Variants in ANTXR1 observed in about 807,000 individuals in gnomAD.
ANTXR1 encodes ANTXR cell adhesion molecule 1, also known as anthrax toxin receptor 1.
A neutral mutation model predicts 78.1 loss-of-function variants in ANTXR1; 19 were observed. The ratio of observed to expected loss-of-function variants is 0.24; its 90% CI spans 0.17 to 0.36. ANTXR1 has a LOEUF of 0.36. ANTXR1 is among the 10% of genes least tolerant of loss of function. ANTXR1 has a pLI of 1.00. For synonymous variants in ANTXR1, 273 were observed against 260.5 expected (o/e 1.05, Z -0.46); for missense variants, 518 against 718.6 (o/e 0.72, Z 3.19).
At chr2:69,027,640 A>G (rs7594057) in intron 1 of ANTXR1, among the ~76,000 whole-genome samples, 21,703 of 99,962 alleles carry the variant, frequency 0.22, 3,581 homozygotes, top group African/African-American at 0.54. Flanking sequence ...GTGTGTGTGT[A>G]TGTGTGTGTG....
chr2:69,119,774 G>A (rs1341333456), intron 10 of ANTXR1, among the ~76,000 whole-genome samples: 1 of 152,224 alleles, frequency 6.6e-6, no homozygotes, highest in Non-Finnish European at 1.5e-5. Flanking sequence ...CTGCAGCCAG[G>A]CTGCCTGGGT....
At chr2:69,237,527 G>C (rs1247891889) in intron 17 of ANTXR1, among the ~76,000 whole-genome samples, 1 of 152,148 alleles carries the variant, frequency 6.6e-6, no homozygotes, top group Admixed American at 6.5e-5. Flanking sequence ...TCAAACTCTT[G>C]GGCATCCTTC....
intron 16 of ANTXR1, among the ~76,000 whole-genome samples, chr2:69,189,281 G>A (rs1415781989): frequency 1.3e-5 from 2 of 152,212 alleles, no homozygotes; most frequent in Admixed American, 1.3e-4. Flanking sequence ...GATCAAGCAT[G>A]CCCTGCAAGT....
chr2:69,202,586 G>A (rs1050786706), intron 17 of ANTXR1, among the ~76,000 whole-genome samples: 1 of 152,204 alleles, frequency 6.6e-6, no homozygotes, highest in African/African-American at 2.4e-5. Flanking sequence ...CTGTTAGACT[G>A]CAGGAACTCT....
At chr2:69,117,018 C>T (rs1342645243) in intron 10 of ANTXR1, among the ~76,000 whole-genome samples, 2 of 152,204 alleles carry the variant, frequency 1.3e-5, no homozygotes, top group African/African-American at 2.4e-5. Flanking sequence ...TGTAAATATA[C>T]ACTTATGAGT....
chr2:69,013,519 G>A lies in ANTXR1; in HGVS notation c.20G>A (p.Arg7Lys), dbSNP rs28365986. The change falls in exon 1 of 18, where the codon AGA becomes AAA. Residue 7 changes from arginine to lysine, a missense_variant. Arg to Lys is a conservative substitution (Grantham distance 26, BLOSUM62 2). Around this residue, in one of 5 missense-constraint regions of ANTXR1, gnomAD observed 55 missense variants for 52.5 expected, o/e 1.05. Coordinates refer to ENST00000303714, the MANE Select transcript of ANTXR1 (RefSeq NM_032208.3). The surrounding 1 kb of genome is among the most constrained non-coding windows in gnomAD (Gnocchi z 5.0). MATAER[R>K]ALGIGFQWLS... ...CGGGCCATGGCCACGGCGGAGCGGA[G>A]AGCCCTCGGCATCGGCTTCCAGTGG... is the stretch of plus-strand genomic sequence containing the variant. 0.011 allele frequency: 16,904 copies of A among 1,588,742 alleles called. 650 individuals carry two copies. In the East Asian group the frequency reaches 0.13, roughly 12 times the overall value.
At chr2:69,102,972 G>A (rs1409959493) in intron 10 of ANTXR1, 32 bp downstream of exon 10, 6 of 1,598,976 alleles carry the variant, frequency 3.8e-6, no homozygotes, top group African/African-American at 1.3e-5. Context: ...GGGTTTCTTC[G>A]ACAAGTGGCT....
chr2:69,046,773 T>C (rs976149043), intron 3 of ANTXR1, among the ~76,000 whole-genome samples: 3 of 152,190 alleles, frequency 2.0e-5, no homozygotes, highest in Admixed American at 2.0e-4. Flanking sequence ...TGCAGTGTTT[T>C]AGTTGGGCAC....
chr2:69,078,349 C>T (rs562953307), intron 8 of ANTXR1, among the ~76,000 whole-genome samples: 3 of 152,298 alleles, frequency 2.0e-5, no homozygotes, highest in Middle Eastern at 3.4e-3. Context: ...GGCAGCTTAC[C>T]AGGCTACAGA....
At chr2:69,148,081 T>C (rs1673276838) in intron 12 of ANTXR1, among the ~76,000 whole-genome samples, 1 of 152,142 alleles carries the variant, frequency 6.6e-6, no homozygotes, top group Non-Finnish European at 1.5e-5. Context: ...GTCCATACTC[T>C]CCAGTGTCAA....
chr2:69,239,423 T>A (rs1675845855), intron 17 of ANTXR1, among the ~76,000 whole-genome samples: 1 of 152,090 alleles, frequency 6.6e-6, no homozygotes, highest in Non-Finnish European at 1.5e-5. Flanking sequence ...ACAAAAAAAA[T>A]TAGCCAGGTG....
chr2:69,153,039 C>T (rs555888729), intron 13 of ANTXR1, among the ~76,000 whole-genome samples: 59 of 152,290 alleles, frequency 3.9e-4, no homozygotes, highest in African/African-American at 1.3e-3. Flanking sequence ...AAAAACATTC[C>T]CTGTGACATG....
chr2:69,217,158 T>C (rs538184533), intron 17 of ANTXR1, among the ~76,000 whole-genome samples: 1 of 152,194 alleles, frequency 6.6e-6, no homozygotes, highest in Non-Finnish European at 1.5e-5. Flanking sequence ...CTTTGGAACT[T>C]ATAAGCCATC....
At chr2:69,243,596 T>G (rs963736070) in intron 17 of ANTXR1, among the ~76,000 whole-genome samples, 10 of 152,182 alleles carry the variant, frequency 6.6e-5, no homozygotes, top group Non-Finnish European at 1.5e-4. Flanking sequence ...GAGCCAAGTC[T>G]CTAATAGCAC....
At chr2:69,228,013 G>A (rs1019464274) in intron 17 of ANTXR1, among the ~76,000 whole-genome samples, 5 of 152,194 alleles carry the variant, frequency 3.3e-5, no homozygotes, top group African/African-American at 1.2e-4. Flanking sequence ...GGAAGAAAGT[G>A]AAAATGCATA....
chr2:69,076,140 AC>A (rs374289583), intron 7 of ANTXR1, among the ~76,000 whole-genome samples: 1,699 of 151,280 alleles, frequency 0.011, 36 homozygotes, highest in African/African-American at 0.039. Context: ...ACACTTGGCT[AC>A]TTTTTTTTAA....
At chr2:69,057,444 A>G (rs1287239347) in intron 3 of ANTXR1, among the ~76,000 whole-genome samples, 1 of 151,972 alleles carries the variant, frequency 6.6e-6, no homozygotes, top group Admixed American at 6.6e-5. Context: ...CAATATTTCA[A>G]CCTTCATTAT....
intron 16 of ANTXR1, among the ~76,000 whole-genome samples, chr2:69,189,175 A>G (rs771835096): frequency 5.9e-5 from 9 of 152,306 alleles, no homozygotes; most frequent in Middle Eastern, 3.4e-3. Context: ...GTTTAGGTTC[A>G]TTTGTGGGAC....
intron 1 of ANTXR1, among the ~76,000 whole-genome samples, chr2:69,023,540 T>C (rs962965147): frequency 5.3e-5 from 8 of 151,812 alleles, no homozygotes; most frequent in Non-Finnish European, 8.8e-5. Flanking sequence ...ATGATGATGA[T>C]GGCAGTGGTC....
Sources: allele counts gnomAD v4.1 joint callset (sites outside exome capture counted in the v4.1 genomes callset), GRCh38; gene constraint gnomAD v4.1.1; regional missense constraint gnomAD v4.1.1; non-coding constraint Gnocchi (gnomAD v3.1); transcripts MANE v1.5; gene names NCBI Gene and HGNC (gene_info 2026-07-23, HGNC 2026-07-21).